Variants in ST7 observed in about 807,000 individuals in gnomAD.
The protein encoded by ST7 is suppressor of tumorigenicity 7 protein.
In ST7, 28 loss-of-function variants were observed where a neutral mutation model predicts 78.7. The observed-to-expected ratio is 0.36, with a 90% confidence interval of 0.26 to 0.49. The LOEUF (loss-of-function observed/expected upper bound fraction) is 0.49, where lower values mean the gene tolerates loss of function less well. ST7 is among the 20% of genes least tolerant of loss of function. The pLI is 0.99. For missense variants in ST7, 418 were observed against 696.0 expected (o/e 0.60, Z 4.49); for synonymous variants, 247 against 249.6 (o/e 0.99, Z 0.10).
chr7:117,068,865 G>A (rs1798773823), intron 1 of ST7, among the ~76,000 whole-genome samples: 2 of 152,292 alleles, frequency 1.3e-5, no homozygotes, highest in South Asian at 4.1e-4. Context: ...TGATTTTAGA[G>A]GGTGTGAAAC....
intron 9 of ST7, among the ~76,000 whole-genome samples, chr7:117,141,585 G>T (rs888954745): frequency 6.6e-6 from 1 of 152,166 alleles, no homozygotes; most frequent in African/African-American, 2.4e-5. Flanking sequence ...ATATGGAAGC[G>T]GCACCTTACT....
chr7:117,134,338 A>T, intron 7 of ST7, 146 bp downstream of exon 7: 1 of 1,244,462 alleles, frequency 8.0e-7, no homozygotes. Context: ...TATATCTTCC[A>T]TCGAGCTGAG....
At chr7:117,013,282 A>G (rs1339783923) in intron 1 of ST7, among the ~76,000 whole-genome samples, 2 of 152,220 alleles carry the variant, frequency 1.3e-5, no homozygotes, top group East Asian at 1.9e-4. Flanking sequence ...GCACATCTTA[A>G]TTATCAGGAA....
At chr7:117,162,162 T>C (rs767988742) in intron 9 of ST7, among the ~76,000 whole-genome samples, 1 of 152,100 alleles carries the variant, frequency 6.6e-6, no homozygotes. Context: ...TAACAATCAT[T>C]TGCCACTTTT....
chr7:117,046,299 G>C (rs991716741), intron 1 of ST7, among the ~76,000 whole-genome samples: 6 of 152,080 alleles, frequency 3.9e-5, no homozygotes, highest in Non-Finnish European at 7.4e-5. Flanking sequence ...TCGTTTTTCT[G>C]TCTCCTCTGG....
Position 116,998,422 on chromosome 7 carries a change from G to A in ST7, c.151+44731G>A, listed in dbSNP as rs1029248417. On this transcript the variant is annotated intron_variant, in intron 1 of 15. Transcript: ENST00000323984. ...AGCCGAGGGAGCTGGCTCCGGCCTC[G>A]GCCAGCCCTGAGAGGGGCTCCCACG... Among the ~76,000 whole-genome samples the A allele has an allele frequency of 6.6e-5, 10 of 152,290 alleles. No individual in the cohort carries two copies. In the East Asian group the frequency reaches 1.2e-3, roughly 18 times the overall value.
chr7:117,142,714 C>T (rs200486285), intron 9 of ST7, among the ~76,000 whole-genome samples: 1 of 152,074 alleles, frequency 6.6e-6, no homozygotes, highest in Admixed American at 6.5e-5. Flanking sequence ...TGGGTTCAAG[C>T]GATTCTCCTG....
intron 14 of ST7, 57 bp from the exon 15 acceptor site, chr7:117,221,866 C>T: frequency 6.5e-7 from 1 of 1,529,908 alleles, no homozygotes; most frequent in Non-Finnish European, 8.8e-7. Flanking sequence ...ATAAAGACCT[C>T]CCCTGAGAGT....
chr7:117,055,491 T>C (rs1233161559), intron 1 of ST7, among the ~76,000 whole-genome samples: 1 of 152,028 alleles, frequency 6.6e-6, no homozygotes, highest in Non-Finnish European at 1.5e-5. Context: ...CCCCAACTTA[T>C]ACATGAAGAA....
In ST7 at chr7:117,190,765, G is replaced by A. The variant is rs893720649; in HGVS notation, c.1152-69G>A. 1.3e-4 allele frequency: 166 copies of A among 1,287,544 alleles called. No homozygotes were observed. In the Admixed American group the frequency reaches 1.5e-3, roughly 11 times the overall value. 79.8% of individuals were successfully genotyped at this position (1,287,544 alleles called of 1,614,324 possible). A position where few individuals can be genotyped will look rare whatever the true frequency, so the allele number is the denominator to read the frequency against. On this transcript the variant is annotated intron_variant, in intron 11 of 15. Coordinates refer to ENST00000323984, the MANE Select transcript of ST7 (RefSeq NM_001369598.1). This position sits in a 1 kb window ranked among gnomAD's most constrained non-coding sequence, Gnocchi z 5.2. ...CTGTGGTTTTATGGGCCCTAGATGTGTAGATGCTTCCGGGTTGATGCCCAA... is the reference window on the plus strand; with the variant it reads ...CTGTGGTTTTATGGGCCCTAGATGTATAGATGCTTCCGGGTTGATGCCCAA...
intron 2 of ST7, chr7:117,117,778 G>A (rs1026630122): frequency 1.3e-5 from 2 of 152,114 alleles, no homozygotes; most frequent in African/African-American, 4.8e-5. Context: ...AAAACCAACT[G>A]CAGCAGGCAC....
At chr7:117,006,356 T>G (rs931908579) in intron 1 of ST7, among the ~76,000 whole-genome samples, 1 of 152,224 alleles carries the variant, frequency 6.6e-6, no homozygotes, top group Non-Finnish European at 1.5e-5. Flanking sequence ...TGACTACCTA[T>G]TCTGAATGGT....
chr7:117,229,914 A>C lies in ST7; in HGVS notation c.*57A>C. The C allele has an allele frequency of 1.4e-6, 2 of 1,434,420 alleles. No homozygotes were observed. Among genetic ancestry groups the C allele is most frequent in the Non-Finnish European group, 2.0e-6 (2 of 1,015,938 alleles). 88.9% of individuals were successfully genotyped at this position (1,434,420 alleles called of 1,614,324 possible). Reference sequence around the variant, plus strand: ...CCGCTGCCACCATCTCCTCTGTGCCAACTCCTTGTGGACCGCAAGAAAGCA... The same window carrying C: ...CCGCTGCCACCATCTCCTCTGTGCCCACTCCTTGTGGACCGCAAGAAAGCA... On this transcript the variant is annotated 3_prime_UTR_variant, in exon 16 of 16. Transcript: ENST00000323984.
chr7:117,134,034 A>T, intron 6 of ST7, 90 bp from the exon 7 acceptor site: 1 of 1,527,936 alleles, frequency 6.5e-7, no homozygotes, highest in Non-Finnish European at 8.8e-7. Context: ...CCCCTCTTTG[A>T]TTACCCTGAA....
At chr7:117,193,082 G>A (rs1192634687) in intron 12 of ST7, among the ~76,000 whole-genome samples, 1 of 151,500 alleles carries the variant, frequency 6.6e-6, no homozygotes, top group Non-Finnish European at 1.5e-5. Context: ...GGCCCTATCT[G>A]TCAAGAATTA....
At chr7:117,182,793 T>C (rs1340351995) in intron 10 of ST7, 1 of 152,222 alleles carries the variant, frequency 6.6e-6, no homozygotes, top group Non-Finnish European at 1.5e-5. Context: ...AATTCTCATA[T>C]TTTGAAATCA....
chr7:117,020,288 T>A lies in ST7; in HGVS notation c.151+66597T>A, dbSNP rs1795816626. On this transcript the variant is annotated intron_variant, in intron 1 of 15. Coordinates refer to ENST00000323984, the MANE Select transcript of ST7 (RefSeq NM_001369598.1). ...CTGCTGCTCCCAGTCCTGCCCCTGC[T>A]GCTACCTAGTCCAGCCTCACCGCAT... The A allele has an allele frequency of 1.8e-5, 7 of 384,270 alleles. No individual in the cohort carries two copies. The Middle Eastern group carries it at 4.1e-3, about 223-fold the overall frequency. 23.8% of individuals were successfully genotyped at this position (384,270 alleles called of 1,614,324 possible).
intron 1 of ST7, among the ~76,000 whole-genome samples, chr7:117,011,761 C>G (rs558577014): frequency 6.6e-6 from 1 of 152,230 alleles, no homozygotes; most frequent in East Asian, 1.9e-4. Flanking sequence ...GAACTTCTGA[C>G]TTAGGTGAAC....
chr7:117,045,795 C>T (rs1382704624), intron 1 of ST7, among the ~76,000 whole-genome samples: 2 of 152,216 alleles, frequency 1.3e-5, no homozygotes, highest in Non-Finnish European at 2.9e-5. Context: ...AATAAATTTA[C>T]TCACAAAGTA....
Sources: gnomAD v4.1 joint callset for allele counts (sites outside exome capture counted in the v4.1 genomes callset) on GRCh38, gnomAD v4.1.1 for gene constraint, Gnocchi (gnomAD v3.1) non-coding constraint, MANE v1.5 for transcripts, NCBI Gene and HGNC (gene_info 2026-07-23, HGNC 2026-07-21) for gene names.